SCML2: variants seen among roughly 807,000 people sequenced by gnomAD.
The protein encoded by SCML2 is sex comb on midleg-like protein 2.
SCML2 carries 6 observed loss-of-function variants against 48.4 expected under a neutral mutation model. That is an observed-to-expected ratio of 0.12 (90% CI 0.07 to 0.24). The LOEUF is 0.24. SCML2 is among the 10% of genes least tolerant of loss of function. SCML2 has a pLI of 1.00. For missense variants in SCML2, 377 were observed against 528.2 expected, an observed-to-expected ratio of 0.71 and a Z score of 2.81; for synonymous variants, 181 against 189.5, an observed-to-expected ratio of 0.95 and a Z score of 0.37.
chrX:18,277,898 A>G (rs973737095), intron 7 of SCML2, among the ~76,000 whole-genome samples: 3 of 110,373 alleles, frequency 2.7e-5, no homozygotes, highest in Non-Finnish European at 5.7e-5. Flanking sequence ...TGGGTGTGGT[A>G]GCTCACACCT....
intron 11 of SCML2, among the ~76,000 whole-genome samples, chrX:18,251,251 G>A (rs1437271032): frequency 5.1e-5 from 5 of 98,848 alleles, no homozygotes; most frequent in Non-Finnish European, 1.0e-4. Context: ...CAGAGGTTGC[G>A]GTGAGCCAAA....
chrX:18,349,627 C>T (rs544879627), intron 1 of SCML2, among the ~76,000 whole-genome samples: 7 of 111,345 alleles, frequency 6.3e-5, no homozygotes, highest in African/African-American at 2.3e-4. Flanking sequence ...CCCGTCCCTA[C>T]TAAAATTATT....
At chrX:18,322,163 G>A (rs1294759337) in intron 5 of SCML2, among the ~76,000 whole-genome samples, 1 of 111,960 alleles carries the variant, frequency 8.9e-6, no homozygotes, top group Non-Finnish European at 1.9e-5. Flanking sequence ...TATTAAAATG[G>A]AAGTTAAACT....
intron 1 of SCML2, among the ~76,000 whole-genome samples, chrX:18,336,441 A>C (rs1330250116): frequency 1.9e-5 from 2 of 106,188 alleles, no homozygotes; most frequent in Non-Finnish European, 3.9e-5. Context: ...CGGTCTCAAA[A>C]AAAAAAAAAA....
chrX:18,254,299 C>T (rs779669814), intron 11 of SCML2, among the ~76,000 whole-genome samples: 24 of 111,944 alleles, frequency 2.1e-4, no homozygotes, highest in African/African-American at 3.2e-4. Flanking sequence ...GGATACTAGA[C>T]GTGAAATCTT....
intron 2 of SCML2, among the ~76,000 whole-genome samples, chrX:18,331,186 G>T (rs1446252953): frequency 1.9e-5 from 2 of 103,394 alleles, no homozygotes; most frequent in East Asian, 3.0e-4. Context: ...CTTGAACCCG[G>T]GAGGCAGAGG....
intron 3 of SCML2, among the ~76,000 whole-genome samples, chrX:18,329,162 T>C (rs1380128227): frequency 1.8e-5 from 2 of 112,060 alleles, no homozygotes; most frequent in Non-Finnish European, 3.8e-5. Flanking sequence ...TTATATGATA[T>C]TTGAATTATA....
chrX:18,344,483 C>T (rs1367911327), intron 1 of SCML2, among the ~76,000 whole-genome samples: 1 of 111,898 alleles, frequency 8.9e-6, no homozygotes, highest in East Asian at 2.8e-4. Flanking sequence ...GGTGTCCCTA[C>T]CCAAATCTCA....
At chrX:18,316,647 C>A (rs1272864475) in intron 6 of SCML2, among the ~76,000 whole-genome samples, 3 of 111,840 alleles carry the variant, frequency 2.7e-5, no homozygotes, top group Non-Finnish European at 5.6e-5. Flanking sequence ...TAGCTTAGAA[C>A]AGGGGTCCCC....
At chrX:18,342,447 C>G (rs1489128634) in intron 1 of SCML2, among the ~76,000 whole-genome samples, 1 of 111,800 alleles carries the variant, frequency 8.9e-6, no homozygotes, top group Admixed American at 9.5e-5. Context: ...CGCAGTGGCT[C>G]ACGCCTGTAA....
At chrX:18,261,933 A>G (rs1428329398) in intron 8 of SCML2, among the ~76,000 whole-genome samples, 1 of 109,944 alleles carries the variant, frequency 9.1e-6, no homozygotes, top group East Asian at 2.8e-4. Flanking sequence ...TTCAATGTTC[A>G]TGACTATATT....
Position 18,324,925 on chromosome X carries a change from A to G in SCML2, c.144T>C (p.Pro48=). The G allele has an allele frequency of 8.3e-7, 1 of 1,202,000 alleles. No individual in the cohort carries two copies. ...GGCATACCTGACGGAAGCACTCTGA[A>G]GGAGCACTTATAGACCCAGTCTCTT... ...YLKETGSISA[P]SECFRQSQIP... The change falls in exon 4 of 15, where the codon CCT becomes CCC. Residue 48 remains proline (P), a synonymous_variant. Transcript: ENST00000251900.
At chrX:18,268,567 A>G (rs1927335968) in intron 7 of SCML2, among the ~76,000 whole-genome samples, 1 of 109,928 alleles carries the variant, frequency 9.1e-6, no homozygotes, top group Admixed American at 9.7e-5. Context: ...ATCTTAAAAT[A>G]CTTTTTCAAT....
At chrX:18,264,836 C>A (rs1257177349) in intron 8 of SCML2, among the ~76,000 whole-genome samples, 1 of 111,589 alleles carries the variant, frequency 9.0e-6, no homozygotes, top group Non-Finnish European at 1.9e-5. Flanking sequence ...GACAAACATG[C>A]TCAGATCAGG....
chrX:18,312,608 T>C (rs182247453), intron 6 of SCML2, among the ~76,000 whole-genome samples: 15 of 110,831 alleles, frequency 1.4e-4, no homozygotes, highest in Admixed American at 7.7e-4. Flanking sequence ...TATGGAAAGC[T>C]GACTGTATTT....
At chrX:18,292,744 G>C (rs752186896) in intron 7 of SCML2, among the ~76,000 whole-genome samples, 9 of 110,767 alleles carry the variant, frequency 8.1e-5, no homozygotes, top group African/African-American at 2.6e-4. Flanking sequence ...TAGCCTTCCA[G>C]ATTTTTTTTA....
chrX:18,327,305 G>A (rs1472849895), intron 3 of SCML2, among the ~76,000 whole-genome samples: 6 of 110,937 alleles, frequency 5.4e-5, no homozygotes, highest in African/African-American at 2.0e-4. Flanking sequence ...TGGAGGCGAA[G>A]GTTGCAGTGA....
At chrX:18,279,605 A>G (rs1927759122) in intron 7 of SCML2, among the ~76,000 whole-genome samples, 1 of 112,255 alleles carries the variant, frequency 8.9e-6, no homozygotes, top group Non-Finnish European at 1.9e-5. Flanking sequence ...CTGAAATCCA[A>G]TCCAAAAAAT....
rs1271850789 is a variant in SCML2 at position 18,318,514 on chromosome X, A to G, written c.486+1818T>C. On this transcript the variant is annotated intron_variant, in intron 6 of 14. Transcript: ENST00000251900. ...TACTCTTCAACATTTTCTCAAGAAC[A>G]TAAACTACTTTGGAAATTTTTCCTC... is the stretch of plus-strand genomic sequence containing the variant. 4.4e-5 allele frequency among the ~76,000 whole-genome samples: 5 copies of G among 112,840 alleles called. No homozygotes were observed. The East Asian group carries it at 8.3e-4, about 19-fold the overall frequency.
Sources: allele counts gnomAD v4.1 joint callset (sites outside exome capture counted in the v4.1 genomes callset), GRCh38; gene constraint gnomAD v4.1.1; transcripts MANE v1.5; gene names NCBI Gene and HGNC (gene_info 2026-07-23, HGNC 2026-07-21).